The following SLC9A9 variants were observed in gnomAD, a reference collection of about 807,000 sequenced individuals.
The protein encoded by SLC9A9 is solute carrier family 9 member A9, also known as sodium/hydrogen exchanger 9.
SLC9A9 carries 62 observed loss-of-function variants against 77.8 expected under a neutral mutation model. The observed-to-expected ratio is 0.80, with a 90% CI of 0.65 to 0.98. The LOEUF (loss-of-function observed/expected upper bound fraction) is 0.98, where lower values mean the gene tolerates loss of function less well. SLC9A9 is among the 50% of genes least tolerant of loss of function. The probability of loss-of-function intolerance (pLI) is 0.00; values close to 1 mark genes in which losing one functional copy is unlikely to be tolerated. For synonymous variants in SLC9A9, 320 were observed against 283.5 expected (o/e 1.13, Z -1.29); for missense variants, 775 against 774.9 (o/e 1.00, Z 0.00).
At chr3:143,829,764 C>A (rs1022192565) in intron 2 of SLC9A9, among the ~76,000 whole-genome samples, 8 of 152,102 alleles carry the variant, frequency 5.3e-5, no homozygotes, top group African/African-American at 1.7e-4. Flanking sequence ...ATGACATTGG[C>A]AGTGGTAGTG....
intron 13 of SLC9A9, among the ~76,000 whole-genome samples, chr3:143,379,612 A>T (rs2033256744): frequency 6.6e-6 from 1 of 152,240 alleles, no homozygotes; most frequent in African/African-American, 2.4e-5. Context: ...CTTACTTAAC[A>T]TTTAGATAGT....
intron 8 of SLC9A9, among the ~76,000 whole-genome samples, chr3:143,563,506 A>T (rs1319058292): frequency 6.6e-6 from 1 of 152,174 alleles, no homozygotes; most frequent in East Asian, 1.9e-4. Context: ...TTGATGACTG[A>T]TGCAATTTAA....
chr3:143,556,633 G>T (rs971623934), intron 8 of SLC9A9, among the ~76,000 whole-genome samples: 1 of 152,104 alleles, frequency 6.6e-6, no homozygotes, highest in South Asian at 2.1e-4. Context: ...GTTCACACTT[G>T]CTTCCTGTAA....
intron 4 of SLC9A9, among the ~76,000 whole-genome samples, chr3:143,779,532 C>T (rs908847109): frequency 9.9e-5 from 15 of 151,998 alleles, no homozygotes; most frequent in Admixed American, 3.3e-4. Context: ...CCACATGCCT[C>T]GCCAATTTTT....
chr3:143,804,403 C>A (rs188853707), intron 2 of SLC9A9, among the ~76,000 whole-genome samples: 27 of 152,286 alleles, frequency 1.8e-4, no homozygotes, highest in African/African-American at 6.0e-4. Flanking sequence ...TTTTCTCCTA[C>A]ACCATGAAAA....
At chr3:143,465,826 A>G (rs73867655) in intron 12 of SLC9A9, among the ~76,000 whole-genome samples, 41 of 152,362 alleles carry the variant, frequency 2.7e-4, no homozygotes, top group African/African-American at 8.7e-4. Flanking sequence ...GTGCCTAGGA[A>G]GTAATTCAAG....
chr3:143,324,650 A>C (rs1416714191), intron 14 of SLC9A9, among the ~76,000 whole-genome samples: 1 of 152,054 alleles, frequency 6.6e-6, no homozygotes, highest in African/African-American at 2.4e-5. Flanking sequence ...GGCAAACCCC[A>C]TATCTACAAA....
At chr3:143,392,647 T>C (rs546740573) in intron 12 of SLC9A9, among the ~76,000 whole-genome samples, 28 of 152,252 alleles carry the variant, frequency 1.8e-4, no homozygotes, top group East Asian at 3.9e-4. Flanking sequence ...TTTAAAGACA[T>C]AGACTGGCAA....
intron 4 of SLC9A9, among the ~76,000 whole-genome samples, chr3:143,716,262 T>A (rs1324104048): frequency 6.6e-6 from 1 of 151,992 alleles, no homozygotes; most frequent in African/African-American, 2.4e-5. Context: ...TTTGTAGAGA[T>A]GGGGTCTCCC....
chr3:143,285,517 TA>T (rs1479457351), intron 14 of SLC9A9, among the ~76,000 whole-genome samples: 3 of 152,212 alleles, frequency 2.0e-5, no homozygotes, highest in African/African-American at 7.2e-5. Context: ...CACTGTAGTC[TA>T]ACATGCCCCC....
chr3:143,654,511 AC>A (rs1331279978), intron 5 of SLC9A9, among the ~76,000 whole-genome samples: 1 of 152,210 alleles, frequency 6.6e-6, no homozygotes, highest in African/African-American at 2.4e-5. Context: ...ACAAGCAAAC[AC>A]TTCTGCTAAG....
chr3:143,685,393 T>C (rs575068304), intron 5 of SLC9A9, among the ~76,000 whole-genome samples: 2 of 152,232 alleles, frequency 1.3e-5, no homozygotes, highest in East Asian at 3.9e-4. Context: ...GAATGTGCCC[T>C]ATCTAATGTT....
intron 4 of SLC9A9, among the ~76,000 whole-genome samples, chr3:143,786,192 G>A (rs976913662): frequency 4.6e-5 from 7 of 152,120 alleles, no homozygotes; most frequent in African/African-American, 1.7e-4. Flanking sequence ...CCCATATTTG[G>A]AATCCTTAGG....
intron 4 of SLC9A9, among the ~76,000 whole-genome samples, chr3:143,718,070 TA>T (rs971490695): frequency 5.5e-5 from 8 of 146,008 alleles, no homozygotes; most frequent in African/African-American, 2.0e-4. Flanking sequence ...TAAAATCAAA[TA>T]GGTAATGTGG....
intron 14 of SLC9A9, among the ~76,000 whole-genome samples, chr3:143,340,356 T>C (rs1183999636): frequency 2.0e-5 from 3 of 152,236 alleles, no homozygotes; most frequent in Non-Finnish European, 4.4e-5. Flanking sequence ...GATTTTACTA[T>C]CATTTAACTG....
intron 1 of SLC9A9, among the ~76,000 whole-genome samples, chr3:143,841,084 G>T (rs1166011433): frequency 6.6e-6 from 1 of 152,158 alleles, no homozygotes; most frequent in Non-Finnish European, 1.5e-5. Flanking sequence ...AAGAACAGAG[G>T]TTATATAGTC....
chr3:143,845,901 A>C (rs1032110404), intron 1 of SLC9A9, among the ~76,000 whole-genome samples: 1 of 152,340 alleles, frequency 6.6e-6, no homozygotes, highest in Middle Eastern at 3.4e-3. Flanking sequence ...TACTTTAAAA[A>C]ACTCATGAAA....
intron 6 of SLC9A9, among the ~76,000 whole-genome samples, chr3:143,579,504 G>A (rs1398187732): frequency 6.6e-6 from 1 of 152,060 alleles, no homozygotes; most frequent in East Asian, 1.9e-4. Context: ...TGAAGGATAA[G>A]GCATGTCCTA....
chr3:143,844,711 C>T (rs934457076), intron 1 of SLC9A9, among the ~76,000 whole-genome samples: 2 of 95,752 alleles, frequency 2.1e-5, no homozygotes, highest in African/African-American at 8.1e-5. Flanking sequence ...AACTTTCTTT[C>T]TCTTTCTTTC....
Sources: allele counts gnomAD v4.1 joint callset (sites outside exome capture counted in the v4.1 genomes callset), GRCh38; gene constraint gnomAD v4.1.1; transcripts MANE v1.5; gene names NCBI Gene and HGNC (gene_info 2026-07-23, HGNC 2026-07-21).